Variants in SLC25A21 observed in about 807,000 individuals in gnomAD.
SLC25A21 encodes solute carrier family 25 member 21.
In SLC25A21, 47 loss-of-function variants were observed where a neutral mutation model predicts 43.8. The ratio of observed to expected loss-of-function variants is 1.07; its 90% CI spans 0.85 to 1.37. The LOEUF (loss-of-function observed/expected upper bound fraction) is 1.37, where lower values mean the gene tolerates loss of function less well. SLC25A21 is among the 40% of genes most tolerant of loss of function. The pLI is 0.00. For missense variants in SLC25A21, 352 were observed against 350.2 expected (o/e 1.00, Z -0.04); for synonymous variants, 131 against 121.3 (o/e 1.08, Z -0.52).
chr14:36,879,578 T>G (rs777585862), intron 1 of SLC25A21, among the ~76,000 whole-genome samples: 9 of 152,178 alleles, frequency 5.9e-5, no homozygotes, highest in Non-Finnish European at 1.2e-4. Flanking sequence ...GCATGGGTTA[T>G]CCCCTGAACT....
At chr14:36,945,652 T>C (rs751034096) in intron 1 of SLC25A21, among the ~76,000 whole-genome samples, 1 of 152,182 alleles carries the variant, frequency 6.6e-6, no homozygotes, top group African/African-American at 2.4e-5. Flanking sequence ...ATATGGTATA[T>C]ACCTAGAATA....
intron 1 of SLC25A21, among the ~76,000 whole-genome samples, chr14:37,095,495 G>A (rs1394147136): frequency 2.6e-5 from 4 of 152,114 alleles, no homozygotes; most frequent in Non-Finnish European, 5.9e-5. Context: ...TCTAACGTGG[G>A]CGACAGAGCA....
intron 1 of SLC25A21, among the ~76,000 whole-genome samples, chr14:37,000,286 T>G (rs184782369): frequency 2.6e-5 from 4 of 152,282 alleles, no homozygotes; most frequent in South Asian, 4.1e-4. Context: ...CATCATCTCT[T>G]GTCTGGCCTA....
intron 2 of SLC25A21, among the ~76,000 whole-genome samples, chr14:36,873,457 G>A (rs999207783): frequency 3.9e-5 from 6 of 151,922 alleles, no homozygotes; most frequent in Admixed American, 1.3e-4. Flanking sequence ...CACCATGCCC[G>A]GTTAATTTTT....
At chr14:37,111,066 G>A (rs957324716) in intron 1 of SLC25A21, among the ~76,000 whole-genome samples, 1 of 152,086 alleles carries the variant, frequency 6.6e-6, no homozygotes, top group South Asian at 2.1e-4. Context: ...TGAAACCTTT[G>A]AAAAATTATG....
chr14:36,811,237 A>C (rs1190568225), intron 3 of SLC25A21, among the ~76,000 whole-genome samples: 1 of 152,240 alleles, frequency 6.6e-6, no homozygotes, highest in Non-Finnish European at 1.5e-5. Context: ...AGATAAAATA[A>C]TTAAAACAGT....
At chr14:36,821,285 C>A (rs1888621586) in intron 2 of SLC25A21, among the ~76,000 whole-genome samples, 1 of 152,062 alleles carries the variant, frequency 6.6e-6, no homozygotes, top group South Asian at 2.1e-4. Context: ...GGGGACTGTG[C>A]CTTTCTCATC....
At chr14:36,806,606 C>T (rs1888049532) in intron 3 of SLC25A21, among the ~76,000 whole-genome samples, 1 of 152,070 alleles carries the variant, frequency 6.6e-6, no homozygotes, top group African/African-American at 2.4e-5. Context: ...GTAGTATGTC[C>T]ATGCCTGAAT....
chr14:36,688,652 T>C (rs954200633), intron 7 of SLC25A21, among the ~76,000 whole-genome samples: 1 of 152,188 alleles, frequency 6.6e-6, no homozygotes, highest in Non-Finnish European at 1.5e-5. Context: ...GCCTCCTCTC[T>C]TCCCACAAGC....
intron 7 of SLC25A21, among the ~76,000 whole-genome samples, chr14:36,708,456 A>T (rs780079796): frequency 4.6e-4 from 70 of 152,138 alleles, no homozygotes; most frequent in Non-Finnish European, 6.8e-4. Flanking sequence ...ATTTTTTTTT[A>T]AAATAAGATC....
chr14:36,745,726 T>C (rs1211127902), intron 3 of SLC25A21, among the ~76,000 whole-genome samples: 2 of 152,196 alleles, frequency 1.3e-5, no homozygotes, highest in Admixed American at 1.3e-4. Context: ...TTAAGTTCTT[T>C]GTAGATTCTG....
chr14:36,708,696 A>G (rs1883686862), intron 7 of SLC25A21, among the ~76,000 whole-genome samples: 1 of 151,478 alleles, frequency 6.6e-6, no homozygotes, highest in African/African-American at 2.4e-5. Context: ...CTCAGCCTGC[A>G]GAGTAGTTGG....
chr14:37,006,685 C>T (rs1960611547), intron 1 of SLC25A21, among the ~76,000 whole-genome samples: 1 of 152,038 alleles, frequency 6.6e-6, no homozygotes, highest in Non-Finnish European at 1.5e-5. Flanking sequence ...TTTTCCCCAA[C>T]ATTTTAATGT....
chr14:36,895,846 G>A (rs901683780), intron 1 of SLC25A21, among the ~76,000 whole-genome samples: 101 of 152,268 alleles, frequency 6.6e-4, no homozygotes, highest in East Asian at 7.7e-4. Flanking sequence ...ATAGTTGTGC[G>A]GTTTTGAGTG....
At chr14:37,067,105 A>G (rs867650301) in intron 1 of SLC25A21, among the ~76,000 whole-genome samples, 1 of 152,194 alleles carries the variant, frequency 6.6e-6, no homozygotes, top group Non-Finnish European at 1.5e-5. Context: ...CTAGAGTTCC[A>G]GAAGAAGAGA....
chr14:36,891,853 T>C (rs1555334933), intron 1 of SLC25A21, among the ~76,000 whole-genome samples: 2 of 152,158 alleles, frequency 1.3e-5, no homozygotes, highest in Non-Finnish European at 2.9e-5. Context: ...AAGAATAGTC[T>C]AGGGGATTGT....
chr14:37,000,257 C>T (rs978309453), intron 1 of SLC25A21, among the ~76,000 whole-genome samples: 10 of 152,154 alleles, frequency 6.6e-5, no homozygotes, highest in Non-Finnish European at 4.4e-5. Context: ...TCCACTGCTA[C>T]CACCATATTC....
At chr14:36,971,007 C>T (rs576021818) in intron 1 of SLC25A21, among the ~76,000 whole-genome samples, 3 of 152,218 alleles carry the variant, frequency 2.0e-5, no homozygotes, top group Non-Finnish European at 2.9e-5. Context: ...CTCATAGGGA[C>T]TCAAAGATTT....
In SLC25A21 at chr14:37,015,206, A is replaced by C. The variant is rs1217282411; in HGVS notation, c.71-140202T>G. Among the ~76,000 whole-genome samples, 20 of 84,002 alleles carry C rather than the reference A, an allele frequency of 2.4e-4. 3 individuals are homozygous for C. The highest frequency in any genetic ancestry group is 9.6e-4 in the African/African-American group (20 of 20,756). The allele number at this position is 84,002 out of a possible 152,430, so 55.1% of individuals were successfully genotyped here. A position where few individuals can be genotyped will look rare whatever the true frequency, so the allele number is the denominator to read the frequency against. On this transcript the variant is annotated intron_variant, in intron 1 of 9. Transcript: ENST00000331299. ...TCCCTCCCCCCTCCCCCCACCCCAC[A>C]ACAGTCCCCAGAGTGTGATGTTCCC...
Sources: gnomAD v4.1 joint callset for allele counts (sites outside exome capture counted in the v4.1 genomes callset) on GRCh38, gnomAD v4.1.1 for gene constraint, MANE v1.5 for transcripts, NCBI Gene and HGNC (gene_info 2026-07-23, HGNC 2026-07-21) for gene names.